The following ANXA10 variants were observed in gnomAD, a reference collection of about 807,000 sequenced individuals.
The protein encoded by ANXA10 is annexin 14.
Under a neutral mutation model 53.5 loss-of-function variants are expected in ANXA10, and 49 were observed. The ratio of observed to expected loss-of-function variants is 0.92; its 90% CI spans 0.73 to 1.16. The LOEUF (loss-of-function observed/expected upper bound fraction) is 1.16, where lower values mean the gene tolerates loss of function less well. Among genes scored for constraint, ANXA10 ranks in the 50% most tolerant of loss-of-function variants. The pLI is 0.00. For missense variants in ANXA10, 393 were observed against 394.4 expected, an observed-to-expected ratio of 1.00 and a Z score of 0.03; for synonymous variants, 131 against 128.9, an observed-to-expected ratio of 1.02 and a Z score of -0.11.
In ANXA10 at chr4:168,155,559, TATATA is replaced by T. The variant is rs1334495175; in HGVS notation, c.196-6963_196-6959del. On this transcript the variant is annotated intron_variant, in intron 3 of 11. Coordinates refer to ENST00000359299, the MANE Select transcript of ANXA10 (RefSeq NM_007193.5). Reference sequence around the variant, plus strand: ...AATTATATATTATAAAATATATAATTATATAATATATAATTATATATTATAAATAT... The same window carrying T: ...AATTATATATTATAAAATATATAATTATATATAATTATATATTATAAATAT... Among the ~76,000 whole-genome samples the T allele has an allele frequency of 6.2e-5, 4 of 64,776 alleles. No homozygotes were observed. In the East Asian group the frequency reaches 2.0e-3, roughly 32 times the overall value. 42.5% of individuals were successfully genotyped at this position (64,776 alleles called of 152,430 possible).
rs1197463296 is a variant in ANXA10, at chr4:168,108,485, A to T, written c.18+15767A>T. Reference sequence around the variant, plus strand: ...TGGGACCATTATAGGTTTTTAGGATATTTCTCATGGCAAACAATCTTCTCT... The same window carrying T: ...TGGGACCATTATAGGTTTTTAGGATTTTTCTCATGGCAAACAATCTTCTCT... On this transcript the variant is annotated intron_variant, in intron 1 of 11. Coordinates refer to ENST00000359299, the MANE Select transcript of ANXA10 (RefSeq NM_007193.5). 4.6e-5 allele frequency among the ~76,000 whole-genome samples: 7 copies of T among 152,128 alleles called. 1 individual carries two copies. Among genetic ancestry groups the T allele is most frequent in the Admixed American group, 3.9e-4 (6 of 15,264 alleles).
Position 168,184,667 on chromosome 4 carries a change from T to C in ANXA10, c.892T>C (p.Phe298Leu), listed in dbSNP as rs771814476. 19 of 1,613,994 alleles carry C rather than the reference T, an allele frequency of 1.2e-5. No individual in the cohort carries two copies. Among genetic ancestry groups the C allele is most frequent in the Non-Finnish European group, 1.5e-5 (18 of 1,179,924 alleles). The change falls in exon 11 of 12, where the codon TTT becomes CTT. Residue 298 changes from phenylalanine to leucine, a missense_variant. Coordinates refer to ENST00000359299, the MANE Select transcript of ANXA10 (RefSeq NM_007193.5). ...CAAAGAGCGATATGGAAAATCCCTA[T>C]TTCATGATATCAGAGTAAGTTTCCG... ...RYKERYGKSL[F>L]HDIRNFASGH...
rs1730587299 is a variant in ANXA10, at chr4:168,098,491, A to C, written c.18+5773A>C. Among the ~76,000 whole-genome samples, 3 of 152,282 alleles carry C rather than the reference A, an allele frequency of 2.0e-5. No homozygotes were observed. The South Asian group carries it at 6.2e-4, about 32-fold the overall frequency. On this transcript the variant is annotated intron_variant, in intron 1 of 11. Coordinates refer to ENST00000359299, the MANE Select transcript of ANXA10 (RefSeq NM_007193.5). The stretch of plus-strand genomic sequence containing the variant: ...GTAGAAATTATTTGTAATCAGAAGT[A>C]GCTCAGCCTGATTCATCAAAAAGGA...
intron 2 of ANXA10, among the ~76,000 whole-genome samples, chr4:168,135,643 G>A (rs181262310): frequency 2.6e-5 from 4 of 152,178 alleles, no homozygotes; most frequent in Admixed American, 1.3e-4. Context: ...GGAAGTGAAG[G>A]ATACACAGAC....
At chr4:168,176,663 C>T (rs1732134661) in intron 6 of ANXA10, among the ~76,000 whole-genome samples, 2 of 152,174 alleles carry the variant, frequency 1.3e-5, no homozygotes, top group Admixed American at 1.3e-4. Flanking sequence ...TGCCCTCTTG[C>T]TGTCTCACTG....
intron 2 of ANXA10, among the ~76,000 whole-genome samples, chr4:168,133,754 C>T (rs750885440): frequency 2.0e-5 from 3 of 151,986 alleles, no homozygotes; most frequent in Admixed American, 1.3e-4. Context: ...AACAATAGTT[C>T]AGTATTTACT....
chr4:168,177,732 C>T lies in ANXA10; in HGVS notation c.481-8C>T. ...CATTTACATGGAAAACCTGTGCTTA[C>T]TTTACAGGGGACCAGAGAGGAAGGA... is the stretch of plus-strand genomic sequence containing the variant. On this transcript the variant is annotated splice_region_variant and splice_polypyrimidine_tract_variant and intron_variant, in intron 6 of 11. Transcript: ENST00000359299. 1.9e-6 allele frequency: 3 copies of T among 1,614,042 alleles called. No individual in the cohort carries two copies. Among genetic ancestry groups the T allele is most frequent in the African/African-American group, 1.3e-5 (1 of 75,034 alleles).
chr4:168,185,426 A>T (rs1732350502), intron 11 of ANXA10, among the ~76,000 whole-genome samples: 1 of 152,204 alleles, frequency 6.6e-6, no homozygotes, highest in Non-Finnish European at 1.5e-5. Flanking sequence ...AATATCATAA[A>T]CTGCTAATTC....
At chr4:168,106,550 T>C (rs1730722624) in intron 1 of ANXA10, among the ~76,000 whole-genome samples, 1 of 152,132 alleles carries the variant, frequency 6.6e-6, no homozygotes, top group South Asian at 2.1e-4. Context: ...ATCTCATTAA[T>C]CTTCATAGTA....
intron 1 of ANXA10, chr4:168,127,648 G>T: frequency 3.6e-6 from 1 of 277,296 alleles, no homozygotes; most frequent in African/African-American, 2.3e-5. Context: ...AATAATAGAT[G>T]CAAACACAGT....
intron 1 of ANXA10, among the ~76,000 whole-genome samples, chr4:168,118,376 T>C (rs1046378140): frequency 8.5e-5 from 13 of 152,200 alleles, no homozygotes; most frequent in African/African-American, 2.9e-4. Context: ...ACCATGTATT[T>C]TCTATTTCAG....
chr4:168,186,022 T>TG (rs1732362449), intron 11 of ANXA10, among the ~76,000 whole-genome samples: 1 of 152,334 alleles, frequency 6.6e-6, no homozygotes, highest in Non-Finnish European at 1.5e-5. Context: ...ACTCTTTTAG[T>TG]GATGAGAAAT....
At chr4:168,138,039 G>A (rs1731266994) in intron 2 of ANXA10, among the ~76,000 whole-genome samples, 1 of 149,524 alleles carries the variant, frequency 6.7e-6, no homozygotes, top group African/African-American at 2.5e-5. Context: ...TCGGCACACT[G>A]CAACTTCCAC....
intron 8 of ANXA10, among the ~76,000 whole-genome samples, chr4:168,178,791 G>C (rs1009658479): frequency 3.9e-5 from 6 of 152,104 alleles, no homozygotes; most frequent in African/African-American, 1.4e-4. Context: ...ATTCTTTATA[G>C]ATACTTTGCT....
In ANXA10 at chr4:168,147,651, T is replaced by C. The variant is rs1731427218; in HGVS notation, c.195+8071T>C. 2.0e-5 allele frequency among the ~76,000 whole-genome samples: 3 copies of C among 152,216 alleles called. 1 individual carries two copies. Among genetic ancestry groups the C allele is most frequent in the Admixed American group, 2.0e-4 (3 of 15,280 alleles). On this transcript the variant is annotated intron_variant, in intron 3 of 11. Transcript: ENST00000359299. ...CTAAAGGTCTCCAATCATAAGGTTT[T>C]TTGACTTTCCTTCTCCATTTCAAAC...
rs200934044 is a variant in ANXA10, at chr4:168,153,436, A to AC, written c.196-9092_196-9091insC. Among the ~76,000 whole-genome samples, 359 of 58,614 alleles carry AC rather than the reference A, an allele frequency of 6.1e-3. 3 individuals carry two copies. Among genetic ancestry groups the AC allele is most frequent in the East Asian group, 9.5e-3 (36 of 3,802 alleles). The allele number at this position is 58,614 out of a possible 152,430, so 38.5% of individuals were successfully genotyped here. On this transcript the variant is annotated intron_variant, in intron 3 of 11. Coordinates refer to ENST00000359299, the MANE Select transcript of ANXA10 (RefSeq NM_007193.5). ...AAAGCCTAAAGCAAAAAAAAAAAAA[A>AC]AAAAACAAAAACAAAAACAAAACAA...
chr4:168,160,552 T>C (rs1168194954), intron 3 of ANXA10, among the ~76,000 whole-genome samples: 1 of 152,140 alleles, frequency 6.6e-6, no homozygotes, highest in East Asian at 1.9e-4. Flanking sequence ...ATTAATATAA[T>C]GGTTTTTATT....
intron 3 of ANXA10, among the ~76,000 whole-genome samples, chr4:168,147,321 G>A (rs945072490): frequency 5.3e-5 from 8 of 152,134 alleles, no homozygotes; most frequent in African/African-American, 1.9e-4. Context: ...CCAATAGCAG[G>A]CCAGTAGCTG....
intron 1 of ANXA10, among the ~76,000 whole-genome samples, chr4:168,126,475 T>G (rs563723157): frequency 6.6e-6 from 1 of 152,288 alleles, no homozygotes; most frequent in African/African-American, 2.4e-5. Flanking sequence ...TCTTACTTAG[T>G]AACCTTGTGG....
Sources: allele counts gnomAD v4.1 joint callset (sites outside exome capture counted in the v4.1 genomes callset), GRCh38; gene constraint gnomAD v4.1.1; transcripts MANE v1.5; gene names NCBI Gene and HGNC (gene_info 2026-07-23, HGNC 2026-07-21).